SND1: variants seen among roughly 807,000 people sequenced by gnomAD.
The protein encoded by SND1 is staphylococcal nuclease and tudor domain containing 1, also known as staphylococcal nuclease domain-containing protein 1.
SND1 carries 38 observed loss-of-function variants against 121.7 expected under a neutral mutation model. The observed-to-expected ratio is 0.31, with a 90% CI of 0.24 to 0.41. The LOEUF is 0.41. Ranked by LOEUF, SND1 falls within the 10% of genes least tolerant of loss-of-function variation. The pLI, the probability that SND1 is intolerant of heterozygous loss-of-function variation, is 1.00. For missense variants in SND1, 868 were observed against 1,184.6 expected (o/e 0.73, Z 3.92); for synonymous variants, 401 against 447.4 (o/e 0.90, Z 1.31).
At chr7:128,086,703 T>C in intron 20 of SND1, 1 of 589,452 alleles carries the variant, frequency 1.7e-6, no homozygotes, top group Non-Finnish European at 3.0e-6. Context: ...CCACTAGGTG[T>C]GCCAGCACCA....
chr7:127,727,342 A>G, intron 10 of SND1, among the ~76,000 whole-genome samples: 1 of 152,158 alleles, frequency 6.6e-6, no homozygotes, highest in East Asian at 1.9e-4. Flanking sequence ...GGGTTATGTA[A>G]GGCACTGATA....
At chr7:127,652,706 GT>G (rs1425452305) in intron 1 of SND1, among the ~76,000 whole-genome samples, 4 of 152,194 alleles carry the variant, frequency 2.6e-5, no homozygotes, top group Non-Finnish European at 5.9e-5. Flanking sequence ...TCTCCTGTCT[GT>G]TTACCAGGAC....
chr7:127,746,606 CT>C (rs537540617), intron 10 of SND1, among the ~76,000 whole-genome samples: 265 of 152,288 alleles, frequency 1.7e-3, no homozygotes, highest in African/African-American at 6.1e-3. Context: ...AAATGTCCCT[CT>C]TTTCCAATTT....
chr7:128,007,225 G>C (rs1301413593), intron 16 of SND1, among the ~76,000 whole-genome samples: 1 of 152,064 alleles, frequency 6.6e-6, no homozygotes, highest in Non-Finnish European at 1.5e-5. Flanking sequence ...TTTGTCAGAC[G>C]GATCTTCCTC....
intron 1 of SND1, among the ~76,000 whole-genome samples, chr7:127,680,415 G>T (rs1795698435): frequency 1.3e-5 from 2 of 152,034 alleles, no homozygotes; most frequent in Non-Finnish European, 2.9e-5. Context: ...GGAGACTGGG[G>T]CTTATTTCAT....
chr7:127,804,229 A>C (rs570930432), intron 10 of SND1, among the ~76,000 whole-genome samples: 1 of 152,232 alleles, frequency 6.6e-6, no homozygotes, highest in East Asian at 1.9e-4. Flanking sequence ...TCTCTCTTGT[A>C]AGATGTTTGC....
At chr7:127,706,625 G>A (rs1038041055) in intron 8 of SND1, among the ~76,000 whole-genome samples, 3 of 152,008 alleles carry the variant, frequency 2.0e-5, no homozygotes, top group Non-Finnish European at 2.9e-5. Flanking sequence ...ATATGACATC[G>A]GTAGAAGATT....
intron 1 of SND1, among the ~76,000 whole-genome samples, chr7:127,674,718 A>T (rs1272856795): frequency 6.6e-6 from 1 of 152,264 alleles, no homozygotes; most frequent in Non-Finnish European, 1.5e-5. Context: ...GAGAAAAAAA[A>T]TGCTTTGCTT....
chr7:127,934,475 G>A (rs1003722990), intron 15 of SND1, among the ~76,000 whole-genome samples: 1 of 152,092 alleles, frequency 6.6e-6, no homozygotes, highest in East Asian at 1.9e-4. Flanking sequence ...TAAATGAGGC[G>A]CAAGAATCTG....
chr7:127,792,970 A>G (rs1382990531), intron 10 of SND1, among the ~76,000 whole-genome samples: 3 of 152,260 alleles, frequency 2.0e-5, no homozygotes, highest in Non-Finnish European at 4.4e-5. Flanking sequence ...GTGGCAAGGC[A>G]GAAATGGGGT....
chr7:127,702,383 A>AT, intron 5 of SND1, 52 bp from the exon 6 acceptor site: 3 of 1,536,324 alleles, frequency 2.0e-6, no homozygotes. Flanking sequence ...GGCAGTGTTT[A>AT]TCCTTGTTAG....
chr7:127,688,058 G>T (rs1474661582), intron 2 of SND1, among the ~76,000 whole-genome samples: 2 of 152,054 alleles, frequency 1.3e-5, no homozygotes, highest in Non-Finnish European at 2.9e-5. Context: ...GCAAAATTTT[G>T]TGTAAACGTG....
At chr7:127,901,049 A>T (rs1800222239) in intron 13 of SND1, among the ~76,000 whole-genome samples, 1 of 152,202 alleles carries the variant, frequency 6.6e-6, no homozygotes, top group South Asian at 2.1e-4. Flanking sequence ...AGGGAAAGGC[A>T]GTATGGGGAG....
intron 14 of SND1, among the ~76,000 whole-genome samples, chr7:127,920,098 C>T (rs1800667540): frequency 6.6e-6 from 1 of 152,100 alleles, no homozygotes; most frequent in Admixed American, 6.6e-5. Flanking sequence ...AAATATAGTA[C>T]ATTACTATAC....
chr7:127,778,413 G>A (rs1353308973), intron 10 of SND1, among the ~76,000 whole-genome samples: 1 of 152,116 alleles, frequency 6.6e-6, no homozygotes, highest in Non-Finnish European at 1.5e-5. Flanking sequence ...TGGCCAGGAT[G>A]GTCTCGATCT....
In SND1 at chr7:128,029,273, T is replaced by A. The variant is rs1464098592; in HGVS notation, c.1779+38217T>A. 1.2e-6 allele frequency: 2 copies of A among 1,614,174 alleles called. No homozygotes were observed. The highest frequency in any genetic ancestry group is 1.7e-6 in the Non-Finnish European group (2 of 1,180,032). On this transcript the variant is annotated intron_variant, in intron 16 of 23. Transcript: ENST00000354725. The surrounding 1 kb of genome is among the most constrained non-coding windows in gnomAD (Gnocchi z 4.2). Reference sequence around the variant, plus strand: ...AGATCTCCGTGGTCTCCACTGTTACTGTGGTGAAGAAGCTGTAGTTGGAGG... The same window carrying A: ...AGATCTCCGTGGTCTCCACTGTTACAGTGGTGAAGAAGCTGTAGTTGGAGG...
chr7:128,002,394 C>T (rs1351127593), intron 16 of SND1, among the ~76,000 whole-genome samples: 1 of 152,222 alleles, frequency 6.6e-6, no homozygotes, highest in African/African-American at 2.4e-5. Context: ...GTCTCTTTGT[C>T]TCTGATTCCT....
At chr7:127,715,889 AGTTTT>A (rs1341711412) in intron 9 of SND1, among the ~76,000 whole-genome samples, 3 of 152,156 alleles carry the variant, frequency 2.0e-5, no homozygotes, top group Admixed American at 6.5e-5. Flanking sequence ...GTTTGTTTTT[AGTTTT>A]GGTGTTACAT....
chr7:127,705,187 T>G (rs986432557), intron 8 of SND1, among the ~76,000 whole-genome samples: 1 of 152,240 alleles, frequency 6.6e-6, no homozygotes, highest in Non-Finnish European at 1.5e-5. Flanking sequence ...ATTTGCTTTT[T>G]TAATGTTTTC....
Sources: gnomAD v4.1 joint callset for allele counts (sites outside exome capture counted in the v4.1 genomes callset) on GRCh38, gnomAD v4.1.1 for gene constraint, Gnocchi (gnomAD v3.1) non-coding constraint, MANE v1.5 for transcripts, NCBI Gene and HGNC (gene_info 2026-07-23, HGNC 2026-07-21) for gene names.